LRP1B: variants seen among roughly 807,000 people sequenced by gnomAD.
LRP1B encodes the protein LDL receptor related protein 1B.
Under a neutral mutation model 556.6 loss-of-function variants are expected in LRP1B, and 217 were observed. The ratio of observed to expected loss-of-function variants is 0.39; its 90% CI spans 0.35 to 0.44. The LOEUF (loss-of-function observed/expected upper bound fraction) is 0.44, where lower values mean the gene tolerates loss of function less well. Ranked by LOEUF, LRP1B falls within the 20% of genes least tolerant of loss-of-function variation. The pLI is 1.00. For synonymous variants in LRP1B, 2,047 were observed against 1,865.8 expected, an observed-to-expected ratio of 1.10 and a Z score of -2.50; for missense variants, 5,053 against 5,620.8, an observed-to-expected ratio of 0.90 and a Z score of 3.23.
chr2:140,274,030 G>A (rs959557592), intron 85 of LRP1B, among the ~76,000 whole-genome samples: 3 of 151,952 alleles, frequency 2.0e-5, no homozygotes, highest in Admixed American at 6.6e-5. Flanking sequence ...AAATCAATTT[G>A]CAACAGAAAA....
chr2:140,559,192 A>T (rs950083475), intron 43 of LRP1B, among the ~76,000 whole-genome samples: 4 of 152,156 alleles, frequency 2.6e-5, no homozygotes, highest in Non-Finnish European at 5.9e-5. Context: ...AAAATTCTAC[A>T]AGATAAATTA....
chr2:140,660,437 C>T (rs944620354), intron 41 of LRP1B, among the ~76,000 whole-genome samples: 2 of 152,058 alleles, frequency 1.3e-5, no homozygotes, highest in Non-Finnish European at 2.9e-5. Flanking sequence ...TTTCTATGTA[C>T]CTGTCTTTAA....
In LRP1B at chr2:141,957,374, T is replaced by TTG. The variant is rs1196219154; in HGVS notation, c.83-146975_83-146974dup. 1.8e-3 allele frequency among the ~76,000 whole-genome samples: 88 copies of TTG among 48,824 alleles called. 2 individuals carry two copies. Among genetic ancestry groups the TTG allele is most frequent in the African/African-American group, 5.2e-3 (63 of 12,124 alleles). 32.0% of individuals were successfully genotyped at this position (48,824 alleles called of 152,430 possible). A position where few individuals can be genotyped will look rare whatever the true frequency, so the allele number is the denominator to read the frequency against. ...AGCAAATAGTCTGGATGGTTCGTGT[T>TTG]TGTGTGTGTGGGGGGGGGGGGGCGG... On this transcript the variant is annotated intron_variant, in intron 1 of 90. Coordinates refer to ENST00000389484, the MANE Select transcript of LRP1B (RefSeq NM_018557.3).
chr2:140,845,962 CAG>C (rs1192624563), intron 29 of LRP1B, among the ~76,000 whole-genome samples: 5 of 152,034 alleles, frequency 3.3e-5, no homozygotes, highest in Non-Finnish European at 7.4e-5. Flanking sequence ...TTAGAGAAAA[CAG>C]AGGATTTTGA....
At chr2:141,074,609 T>G (rs549369510) in intron 7 of LRP1B, among the ~76,000 whole-genome samples, 53 of 117,430 alleles carry the variant, frequency 4.5e-4, no homozygotes, top group African/African-American at 1.2e-3. Flanking sequence ...ATATATATGT[T>G]TTTTATATAT....
intron 32 of LRP1B, among the ~76,000 whole-genome samples, chr2:140,785,639 T>C (rs557753888): frequency 6.6e-6 from 1 of 152,202 alleles, no homozygotes; most frequent in Admixed American, 6.5e-5. Flanking sequence ...CTTCGCTAAC[T>C]ACCCCCTATA....
At position 140,828,938 on chromosome 2, in the gene LRP1B, G is replaced by GTA. The variant is rs1691620410; in HGVS notation, c.5209+11052_5209+11053insTA. Among the ~76,000 whole-genome samples, 3 of 151,708 alleles carry GTA rather than the reference G, an allele frequency of 2.0e-5. No individual in the cohort carries two copies. In the South Asian group the frequency reaches 6.2e-4, roughly 32 times the overall value. ...GGCTGAAAGTAAAGAGATGGAAGAA[G>GTA]ATAGCCCATGTAAATAAAAATCAAA... On this transcript the variant is annotated intron_variant, in intron 31 of 90. Coordinates refer to ENST00000389484, the MANE Select transcript of LRP1B (RefSeq NM_018557.3).
chr2:141,566,794 G>T lies in LRP1B; in HGVS notation c.206-86261C>A, dbSNP rs561336525. Among the ~76,000 whole-genome samples the T allele has an allele frequency of 3.3e-5, 5 of 152,084 alleles. No homozygotes were observed. In the South Asian group the frequency reaches 6.2e-4, roughly 19 times the overall value. Reference sequence around the variant, plus strand: ...GGATCACTTGAGCCCAGGTGTTTGAGGCTGCAGTGAGGTATGATCATGCCA... The same window carrying T: ...GGATCACTTGAGCCCAGGTGTTTGATGCTGCAGTGAGGTATGATCATGCCA... On this transcript the variant is annotated intron_variant, in intron 2 of 90. Coordinates refer to ENST00000389484, the MANE Select transcript of LRP1B (RefSeq NM_018557.3).
chr2:140,300,612 A>G (rs1335922718), intron 83 of LRP1B, among the ~76,000 whole-genome samples: 2 of 152,100 alleles, frequency 1.3e-5, no homozygotes, highest in African/African-American at 4.8e-5. Context: ...CTGGGCTCTA[A>G]ATCAGTCTAG....
rs770840468 is a variant in LRP1B, at chr2:140,776,163, G to A, written c.5435C>T (p.Thr1812Ile). The change falls in exon 33 of 91, where the codon ACC becomes ATC. Residue 1812 changes from threonine (T) to isoleucine (I), a missense_variant. Thr to Ile is a moderately conservative substitution (Grantham distance 89). Transcript: ENST00000389484. ...CCCAGAAGTCTTATTCCGTAGGATG[G>A]TGGGGTTTCTTCCGTCTCTTTTGCT... The part of the protein sequence containing the change: ...TCSKRDGRNP[T>I]ILRNKTSGVV... 4.4e-6 allele frequency: 7 copies of A among 1,597,376 alleles called. No homozygotes were observed. The highest frequency in any genetic ancestry group is 6.0e-6 in the Non-Finnish European group (7 of 1,172,806).
intron 3 of LRP1B, among the ~76,000 whole-genome samples, chr2:141,276,804 C>A (rs1000990243): frequency 6.6e-6 from 1 of 151,818 alleles, no homozygotes; most frequent in African/African-American, 2.4e-5. Flanking sequence ...CTACAAGCGG[C>A]CGCCACCACG....
chr2:140,813,631 C>G (rs199816946), intron 32 of LRP1B, 26 bp downstream of exon 32: 1 of 1,609,410 alleles, frequency 6.2e-7, no homozygotes, highest in South Asian at 1.1e-5. Flanking sequence ...TACAAAGCAA[C>G]CAAGCTATAG....
chr2:140,741,488 T>G (rs1183643684), intron 35 of LRP1B, among the ~76,000 whole-genome samples: 1 of 152,140 alleles, frequency 6.6e-6, no homozygotes, highest in East Asian at 1.9e-4. Flanking sequence ...CTATTATTTT[T>G]TTTTTCTTTT....
rs2105135077 is a variant in LRP1B, at chr2:140,358,043, C to T, written c.11331G>A (p.Met3777Ile). The T allele has an allele frequency of 6.2e-7, 1 of 1,611,528 alleles. No individual in the cohort carries two copies. The highest frequency in any genetic ancestry group is 8.5e-7 in the Non-Finnish European group (1 of 1,178,366). ...FACSNKKCIP[M>I]DLQCDRLDDC... ...CATCAAGTCGATCACACTGGAGATC[C>T]ATAGGGATGCATTTTTTATTACTAC... The change falls in exon 74 of 91, where the codon ATG (methionine) becomes ATA (isoleucine). Residue 3777 changes from methionine to isoleucine, a missense_variant. Physicochemically the swap from Met to Ile is conservative, Grantham distance 10. Transcript: ENST00000389484.
chr2:140,600,951 A>C (rs1574128593), intron 42 of LRP1B, among the ~76,000 whole-genome samples: 2 of 151,298 alleles, frequency 1.3e-5, no homozygotes, highest in African/African-American at 4.8e-5. Flanking sequence ...ACAGCTGTAG[A>C]CTACTTAGAC....
intron 2 of LRP1B, among the ~76,000 whole-genome samples, chr2:141,659,638 G>T (rs1690137985): frequency 6.6e-6 from 1 of 151,986 alleles, no homozygotes; most frequent in African/African-American, 2.4e-5. Flanking sequence ...GGACGACCTG[G>T]GAGAATGGCA....
At chr2:141,340,489 C>T (rs537625955) in intron 3 of LRP1B, among the ~76,000 whole-genome samples, 6 of 152,110 alleles carry the variant, frequency 3.9e-5, no homozygotes, top group Non-Finnish European at 7.3e-5. Context: ...CTCTTCTATA[C>T]AATTCTTATA....
intron 41 of LRP1B, among the ~76,000 whole-genome samples, chr2:140,629,929 A>G (rs1029299962): frequency 6.6e-6 from 1 of 152,252 alleles, no homozygotes; most frequent in Non-Finnish European, 1.5e-5. Context: ...ACCCAAAATA[A>G]TGGGAAGTAT....
chr2:141,124,464 A>G lies in LRP1B; in HGVS notation c.1014-62191T>C, dbSNP rs76452672. On this transcript the variant is annotated intron_variant, in intron 7 of 90. Coordinates refer to ENST00000389484, the MANE Select transcript of LRP1B (RefSeq NM_018557.3). ...TTCGCTTGCAAAGCAATTCCATGAC[A>G]TTCTACTTCTTGTCATTTTTCTACT... Among the ~76,000 whole-genome samples the G allele has an allele frequency of 5.5e-3, 834 of 152,174 alleles. 12 individuals are homozygous for G. Among genetic ancestry groups the G allele is most frequent in the Middle Eastern group, 0.014 (4 of 294 alleles).
Sources: gnomAD v4.1 joint callset for allele counts (sites outside exome capture counted in the v4.1 genomes callset) on GRCh38, gnomAD v4.1.1 for gene constraint, MANE v1.5 for transcripts, NCBI Gene and HGNC (gene_info 2026-07-23, HGNC 2026-07-21) for gene names.